Variants in KIAA1614 observed in about 807,000 individuals in gnomAD.
KIAA1614 encodes the protein KIAA1614.
A neutral mutation model predicts 88.7 loss-of-function variants in KIAA1614; 76 were observed. That is an observed-to-expected ratio of 0.86 (90% confidence interval 0.71 to 1.04). The LOEUF (loss-of-function observed/expected upper bound fraction) is 1.04, where lower values mean the gene tolerates loss of function less well. Among genes scored for constraint, KIAA1614 ranks in the 50% least tolerant of loss-of-function variants. KIAA1614 has a pLI of 0.00. For synonymous variants in KIAA1614, 714 were observed against 675.5 expected, an observed-to-expected ratio of 1.06 and a Z score of -0.88; for missense variants, 1,553 against 1,582.5, an observed-to-expected ratio of 0.98 and a Z score of 0.32.
At chr1:180,921,975 G>A (rs1425325769) in intron 3 of KIAA1614, among the ~76,000 whole-genome samples, 2 of 152,216 alleles carry the variant, frequency 1.3e-5, no homozygotes, top group African/African-American at 2.4e-5. Context: ...CAAGTGAAAG[G>A]GTGTGACAGT....
intron 3 of KIAA1614, among the ~76,000 whole-genome samples, chr1:180,919,309 C>T (rs950075857): frequency 2.0e-5 from 3 of 152,162 alleles, no homozygotes; most frequent in Non-Finnish European, 2.9e-5. Context: ...TCACAGTTGC[C>T]TCCCCTTCTG....
chr1:180,933,483 A>G (rs1274361614), intron 4 of KIAA1614, among the ~76,000 whole-genome samples: 2 of 152,226 alleles, frequency 1.3e-5, no homozygotes, highest in African/African-American at 2.4e-5. Context: ...GATAAATGAA[A>G]GAAACAAGAG....
At position 180,935,574 on chromosome 1, in the gene KIAA1614, C is replaced by A. The variant is rs371339970; in HGVS notation, c.1665C>A (p.Pro555=). Residue 555 remains proline (P), a synonymous_variant, in exon 5 of 9, where the codon CCC becomes CCA. Transcript: ENST00000367588. The surrounding 1 kb of genome is among the most constrained non-coding windows in gnomAD (Gnocchi z 6.1). Reference sequence around the variant, plus strand: ...GCCCCGCCCAGGGGAAGGCGCCCCCCGTCCCCAGGACCCTCCAGGAGCTCC... The same window carrying A: ...GCCCCGCCCAGGGGAAGGCGCCCCCAGTCCCCAGGACCCTCCAGGAGCTCC... ...DPRPAQGKAP[P]VPRTLQELQA... is the part of the protein sequence containing the mutation. 4.7e-5 allele frequency: 75 copies of A among 1,605,488 alleles called. No homozygotes were observed. In the African/African-American group the frequency reaches 9.3e-4, roughly 20 times the overall value.
intron 3 of KIAA1614, among the ~76,000 whole-genome samples, chr1:180,919,633 C>T (rs1653910909): frequency 6.6e-6 from 1 of 152,164 alleles, no homozygotes; most frequent in Admixed American, 6.5e-5. Context: ...GATGCAGCCA[C>T]TGGGGATTCT....
In KIAA1614 at chr1:180,935,378, C is replaced by T; in HGVS notation, c.1469C>T (p.Ser490Phe). ...GCCGCGGACCAGGGCCCCCTGCGCTCCAAGCCCGACCTCGCCGACTACATC... is the reference window on the plus strand; with the variant it reads ...GCCGCGGACCAGGGCCCCCTGCGCTTCAAGCCCGACCTCGCCGACTACATC... Reference protein sequence around the residue: ...LQAADQGPLRSKPDLADYING... With the variant: ...LQAADQGPLRFKPDLADYING... Residue 490 changes from serine to phenylalanine, a missense_variant, in exon 5 of 9, where the codon TCC (serine) becomes TTC (phenylalanine). Physicochemically the swap from Ser to Phe is radical, Grantham distance 155. Transcript: ENST00000367588. The surrounding 1 kb of genome is among the most constrained non-coding windows in gnomAD (Gnocchi z 6.1). 1 of 1,467,826 alleles carries T rather than the reference C, an allele frequency of 6.8e-7. No homozygotes were observed. The highest frequency in any genetic ancestry group is 9.0e-7 in the Non-Finnish European group (1 of 1,116,006). The allele number at this position is 1,467,826 out of a possible 1,614,324, so 90.9% of individuals were successfully genotyped here.
At chr1:180,940,223 C>T (rs142423247) in intron 6 of KIAA1614, among the ~76,000 whole-genome samples, 82 of 152,286 alleles carry the variant, frequency 5.4e-4, no homozygotes, top group African/African-American at 1.9e-3. Flanking sequence ...AATGAATGGG[C>T]CAGGCAGTGG....
At chr1:180,921,077 CTGTT>C (rs1243114884) in intron 3 of KIAA1614, among the ~76,000 whole-genome samples, 3 of 152,116 alleles carry the variant, frequency 2.0e-5, no homozygotes, top group Non-Finnish European at 2.9e-5. Flanking sequence ...AGCAACAAGT[CTGTT>C]TATTTCACCT....
Position 180,949,727 on chromosome 1 carries a change from G to A in KIAA1614, c.*4139G>A, listed in dbSNP as rs1198463447. ...GGCTAGAATTTTTATTTTTCCTGGG[G>A]TTTTTTGCTCAGATGCTTCCCCATC... On this transcript the variant is annotated 3_prime_UTR_variant, in exon 9 of 9. Transcript: ENST00000367588. The A allele has an allele frequency of 6.6e-6, 1 of 152,186 alleles. No homozygotes were observed. The highest frequency in any genetic ancestry group is 1.5e-5 in the Non-Finnish European group (1 of 68,064). The allele number at this position is 152,186 out of a possible 1,614,324, so 9.4% of individuals were successfully genotyped here.
At chr1:180,939,652 C>T (rs992673459) in intron 6 of KIAA1614, among the ~76,000 whole-genome samples, 2 of 152,176 alleles carry the variant, frequency 1.3e-5, no homozygotes, top group African/African-American at 2.4e-5. Flanking sequence ...ACATTTCCTT[C>T]TCCACACAAT....
At chr1:180,943,550 C>CTTTTTTTTTTTTT (rs60128001) in intron 7 of KIAA1614, among the ~76,000 whole-genome samples, 2,716 of 97,848 alleles carry the variant, frequency 0.028, 419 homozygotes, top group African/African-American at 0.042. Context: ...GGTAGTAGAT[C>CTTTTTTTTTTTTT]TTTTTTTTTT....
At chr1:180,920,724 G>A (rs1403877627) in intron 3 of KIAA1614, among the ~76,000 whole-genome samples, 1 of 151,738 alleles carries the variant, frequency 6.6e-6, no homozygotes, top group Non-Finnish European at 1.5e-5. Flanking sequence ...GGCTGGGGGC[G>A]GGCTGGGGCT....
chr1:180,930,645 A>G (rs1008899600), intron 4 of KIAA1614, among the ~76,000 whole-genome samples: 1 of 152,220 alleles, frequency 6.6e-6, no homozygotes, highest in African/African-American at 2.4e-5. Flanking sequence ...TCACTCTAGC[A>G]GCTCACAACA....
intron 5 of KIAA1614, among the ~76,000 whole-genome samples, 184 bp downstream of exon 5, chr1:180,936,854 G>T (rs1654347606): frequency 6.6e-6 from 1 of 152,198 alleles, no homozygotes; most frequent in Non-Finnish European, 1.5e-5. Flanking sequence ...AGGGGTGCTG[G>T]TGGAGGCTGG....
chr1:180,945,446 T>G lies in KIAA1614; in HGVS notation c.3431T>G (p.Phe1144Cys), dbSNP rs1654571122. The G allele has an allele frequency of 6.2e-7, 1 of 1,612,188 alleles. No individual in the cohort carries two copies. The highest frequency in any genetic ancestry group is 1.1e-5 in the South Asian group (1 of 90,930). Residue 1144 changes from phenylalanine (F) to cysteine (C), a missense_variant, in exon 9 of 9, where the codon TTC becomes TGC. By Grantham distance (205) the Phe-to-Cys change is radical. Transcript: ENST00000367588. ...LQLQRSPGGT[F>C]GFCVASGNGR... ...CTGCAGCGCTCCCCAGGGGGCACTT[T>G]CGGCTTCTGCGTGGCCTCTGGGAAT...
chr1:180,943,287 A>G (rs1009279475), intron 7 of KIAA1614, among the ~76,000 whole-genome samples: 5 of 152,088 alleles, frequency 3.3e-5, no homozygotes, highest in Admixed American at 6.5e-5. Context: ...TTGGCCTCCC[A>G]AAGTGCTGGG....
At position 180,936,295 on chromosome 1, in the gene KIAA1614, C is replaced by G. The variant is rs763498079; in HGVS notation, c.2386C>G (p.Gln796Glu). 1 of 1,614,188 alleles carries G rather than the reference C, an allele frequency of 6.2e-7. No homozygotes were observed. The highest frequency in any genetic ancestry group is 1.3e-5 in the African/African-American group (1 of 75,058). Residue 796 changes from glutamine (Q) to glutamate (E), a missense_variant, in exon 5 of 9, where the codon CAG becomes GAG. Transcript: ENST00000367588. ...AEPSAPHQAW[Q>E]PTASLCPEGW... ...GCCTTCTGCCCCACACCAAGCCTGG[C>G]AGCCAACAGCTTCCTTGTGTCCTGA...
chr1:180,916,377 GAGA>G lies in KIAA1614; in HGVS notation c.278_280del (p.Lys93del), dbSNP rs1414154753. On this transcript the variant is annotated inframe_deletion, in exon 2 of 9. Coordinates refer to ENST00000367588, the MANE Select transcript of KIAA1614 (RefSeq NM_020950.2). Reference sequence around the variant, plus strand: ...GGAATCCAAGGTGAGGGCTTTGAAGGAGAAGATGACAGTGGCCAAACAGGGAGT... The same window carrying G: ...GGAATCCAAGGTGAGGGCTTTGAAGGAGATGACAGTGGCCAAACAGGGAGT... 24 of 1,614,104 alleles carry G rather than the reference GAGA, an allele frequency of 1.5e-5. No homozygotes were observed. The highest frequency in any genetic ancestry group is 1.7e-5 in the Non-Finnish European group (20 of 1,180,042).
In KIAA1614 at chr1:180,945,006, GTT is replaced by G. The variant is rs1325735884; in HGVS notation, c.3288-296_3288-295del. On this transcript the variant is annotated intron_variant, in intron 8 of 8. Coordinates refer to ENST00000367588, the MANE Select transcript of KIAA1614 (RefSeq NM_020950.2). Reference sequence around the variant, plus strand: ...TTAGCTCCTGGAAATGTGACATAAAGTTATACCTTTTGTCAGATTCTTACAAA... The same window carrying G: ...TTAGCTCCTGGAAATGTGACATAAAGATACCTTTTGTCAGATTCTTACAAA... 2.6e-5 allele frequency: 11 copies of G among 429,270 alleles called. No individual in the cohort carries two copies. In the Admixed American group the frequency reaches 3.5e-4, roughly 14 times the overall value. The allele number at this position is 429,270 out of a possible 1,614,324, so 26.6% of individuals were successfully genotyped here.
chr1:180,913,317 G>GGGCC, intron 1 of KIAA1614, 24 bp downstream of exon 1: 1 of 1,238,330 alleles, frequency 8.1e-7, no homozygotes, highest in Non-Finnish European at 1.0e-6. Flanking sequence ...AGGCAGCGCC[G>GGGCC]GGCCGGCCGG....
Sources: gnomAD v4.1 joint callset for allele counts (sites outside exome capture counted in the v4.1 genomes callset) on GRCh38, gnomAD v4.1.1 for gene constraint, Gnocchi (gnomAD v3.1) non-coding constraint, MANE v1.5 for transcripts, NCBI Gene and HGNC (gene_info 2026-07-23, HGNC 2026-07-21) for gene names.